Variants in RGS6 observed in about 807,000 individuals in gnomAD.
RGS6 encodes the protein regulator of G protein signaling 6, also known as regulator of G-protein signaling 6.
Under a neutral mutation model 78.5 loss-of-function variants are expected in RGS6, and 30 were observed. The observed-to-expected ratio is 0.38, with a 90% CI of 0.29 to 0.52. The LOEUF (loss-of-function observed/expected upper bound fraction) is 0.52, where lower values mean the gene tolerates loss of function less well. Ranked by LOEUF, RGS6 falls within the 20% of genes least tolerant of loss-of-function variation. The probability of loss-of-function intolerance (pLI) is 0.85; values close to 1 mark genes in which losing one functional copy is unlikely to be tolerated. For missense variants in RGS6, 495 were observed against 609.7 expected (o/e 0.81, Z 1.98); for synonymous variants, 206 against 206.0 (o/e 1.00, Z 0.00).
chr14:72,281,927 C>T (rs1272873707), intron 2 of RGS6, among the ~76,000 whole-genome samples: 1 of 152,176 alleles, frequency 6.6e-6, no homozygotes, highest in Non-Finnish European at 1.5e-5. Flanking sequence ...TATTGGAAGA[C>T]ACAAAGTCAT....
At chr14:72,105,074 T>C (rs2095605845) in intron 2 of RGS6, among the ~76,000 whole-genome samples, 1 of 152,208 alleles carries the variant, frequency 6.6e-6, no homozygotes, top group Non-Finnish European at 1.5e-5. Flanking sequence ...ATACTAGCCC[T>C]ATGGGAATCA....
At position 72,516,459 on chromosome 14, in the gene RGS6, CT is replaced by C. The variant is rs577703149; in HGVS notation, c.1092-1891del. Among the ~76,000 whole-genome samples the C allele has an allele frequency of 2.6e-5, 4 of 152,348 alleles. No homozygotes were observed. In the South Asian group the frequency reaches 8.3e-4, roughly 32 times the overall value. On this transcript the variant is annotated intron_variant, in intron 14 of 17. Coordinates refer to ENST00000553525, the MANE Select transcript of RGS6 (RefSeq NM_001204424.2). Reference sequence around the variant, plus strand: ...CTGGACTCTGGATAAAGAAACACGACTGCTTTCCTCTCACCCAGAAGCCAGA... The same window carrying C: ...CTGGACTCTGGATAAAGAAACACGACGCTTTCCTCTCACCCAGAAGCCAGA...
At chr14:72,026,791 G>C (rs1354317500) in intron 2 of RGS6, among the ~76,000 whole-genome samples, 2 of 152,226 alleles carry the variant, frequency 1.3e-5, no homozygotes, top group Non-Finnish European at 2.9e-5. Flanking sequence ...CAGATACTAA[G>C]TGGTGATCTC....
chr14:71,956,329 TA>T (rs1193020135), intron 1 of RGS6, among the ~76,000 whole-genome samples: 2 of 84,720 alleles, frequency 2.4e-5, no homozygotes, highest in African/African-American at 1.0e-4. Context: ...ACAGAACTAA[TA>T]GTGTGTGTGT....
intron 12 of RGS6, among the ~76,000 whole-genome samples, chr14:72,494,803 CTT>C (rs760617271): frequency 2.6e-5 from 4 of 152,066 alleles, no homozygotes; most frequent in African/African-American, 7.3e-5. Flanking sequence ...GAGAATCAGT[CTT>C]TGTGGGAGGG....
intron 2 of RGS6, among the ~76,000 whole-genome samples, chr14:72,228,341 A>T (rs535652795): frequency 9.7e-4 from 147 of 152,216 alleles, no homozygotes; most frequent in Non-Finnish European, 1.7e-3. Flanking sequence ...AGATTGCACC[A>T]CTGCACTCCA....
intron 6 of RGS6, among the ~76,000 whole-genome samples, chr14:72,464,488 T>A (rs910963751): frequency 6.6e-6 from 1 of 152,138 alleles, no homozygotes; most frequent in African/African-American, 2.4e-5. Context: ...GTCATAGGTA[T>A]CAGTAAATTT....
chr14:72,233,323 G>A lies in RGS6; in HGVS notation c.85-118772G>A, dbSNP rs148404084. Among the ~76,000 whole-genome samples the A allele has an allele frequency of 2.4e-4, 36 of 152,226 alleles. 1 individual carries two copies. The East Asian group carries it at 6.4e-3, about 27-fold the overall frequency. On this transcript the variant is annotated intron_variant, in intron 2 of 17. Coordinates refer to ENST00000553525, the MANE Select transcript of RGS6 (RefSeq NM_001204424.2). ...TGGGTATTTCTTGGGGGCTGGACTC[G>A]AAGACCTTTATTTTCCACTTGGCCT...
intron 2 of RGS6, among the ~76,000 whole-genome samples, chr14:72,153,645 C>T (rs1201860952): frequency 2.6e-5 from 4 of 152,126 alleles, no homozygotes; most frequent in African/African-American, 7.2e-5. Flanking sequence ...CATCACATAT[C>T]GGTAGGACCT....
chr14:71,889,496 G>T, the RGS6 span, among the ~76,000 whole-genome samples: 8,395 of 152,196 alleles, frequency 0.055, 344 homozygotes, highest in Non-Finnish European at 0.085. Context: ...AAACTGGAGG[G>T]TGGAGAAGGG....
At chr14:71,973,109 A>G (rs2093911764) in intron 2 of RGS6, among the ~76,000 whole-genome samples, 1 of 152,154 alleles carries the variant, frequency 6.6e-6, no homozygotes, top group African/African-American at 2.4e-5. Context: ...TGTTAAGTCT[A>G]GTTCTTTAAT....
intron 2 of RGS6, among the ~76,000 whole-genome samples, chr14:72,227,178 A>G (rs558107436): frequency 6.6e-6 from 1 of 152,390 alleles, no homozygotes; most frequent in East Asian, 1.9e-4. Context: ...AAATGGACAT[A>G]AAGAGTTACA....
At chr14:72,309,526 A>T (rs928317652) in intron 2 of RGS6, among the ~76,000 whole-genome samples, 41 of 152,182 alleles carry the variant, frequency 2.7e-4, no homozygotes, top group Admixed American at 4.6e-4. Context: ...CAGTGGGATC[A>T]ATGTTGGTAG....
chr14:71,983,363 G>T (rs913036534), intron 2 of RGS6, among the ~76,000 whole-genome samples: 6 of 152,218 alleles, frequency 3.9e-5, no homozygotes, highest in African/African-American at 1.4e-4. Context: ...AAAACAGGAA[G>T]TAACTTGTAT....
chr14:72,568,185 T>A (rs141919047), downstream of RGS6, among the ~76,000 whole-genome samples: 6 of 152,312 alleles, frequency 3.9e-5, no homozygotes, highest in African/African-American at 1.4e-4. Context: ...TAACAGCCCC[T>A]GAGTGCAGAG....
intron 1 of RGS6, among the ~76,000 whole-genome samples, chr14:71,946,201 G>A (rs1411208866): frequency 6.6e-6 from 1 of 152,154 alleles, no homozygotes; most frequent in Non-Finnish European, 1.5e-5. Flanking sequence ...TCTGCCGATA[G>A]CCAGGGGTAT....
At chr14:72,122,137 G>A (rs990660041) in intron 2 of RGS6, among the ~76,000 whole-genome samples, 2 of 152,070 alleles carry the variant, frequency 1.3e-5, no homozygotes, top group Non-Finnish European at 2.9e-5. Context: ...CTCAAGGCTG[G>A]GACCAATGCT....
the RGS6 span, among the ~76,000 whole-genome samples, chr14:71,896,445 C>T: frequency 2.5e-4 from 38 of 152,196 alleles, no homozygotes; most frequent in African/African-American, 8.7e-4. Context: ...GAGGATGACC[C>T]GAAGTCACTC....
At chr14:72,081,448 G>C (rs1272974185) in intron 2 of RGS6, among the ~76,000 whole-genome samples, 1 of 151,950 alleles carries the variant, frequency 6.6e-6, no homozygotes, top group Non-Finnish European at 1.5e-5. Context: ...TCTTGAGTTT[G>C]TTTCTAAATT....
Sources: allele counts gnomAD v4.1 joint callset (sites outside exome capture counted in the v4.1 genomes callset), GRCh38; gene constraint gnomAD v4.1.1; transcripts MANE v1.5; gene names NCBI Gene and HGNC (gene_info 2026-07-23, HGNC 2026-07-21).